The following DIP2A variants were observed in gnomAD, a reference collection of about 807,000 sequenced individuals.
DIP2A encodes DIP2 acetate--CoA ligase A.
Under a neutral mutation model 177.4 loss-of-function variants are expected in DIP2A, and 85 were observed. The ratio of observed to expected loss-of-function variants is 0.48; its 90% CI spans 0.40 to 0.57. DIP2A has a LOEUF of 0.57. Among genes scored for constraint, DIP2A ranks in the 20% least tolerant of loss-of-function variants. DIP2A has a pLI of 0.00. For missense variants in DIP2A, 1,791 were observed against 2,100.2 expected (o/e 0.85, Z 2.88); for synonymous variants, 886 against 881.8 (o/e 1.00, Z -0.08).
At chr21:46,530,953 G>A (rs4819263) in intron 9 of DIP2A, among the ~76,000 whole-genome samples, 8,375 of 152,240 alleles carry the variant, frequency 0.055, 313 homozygotes, top group Non-Finnish European at 0.08. Context: ...TCTGTTCCCA[G>A]AGATTCAACA....
At chr21:46,475,735 A>G (rs1201602540) in intron 1 of DIP2A, among the ~76,000 whole-genome samples, 1 of 152,060 alleles carries the variant, frequency 6.6e-6, no homozygotes, top group Non-Finnish European at 1.5e-5. Context: ...TATTTGAACC[A>G]TTATAGAGAG....
the DIP2A span, among the ~76,000 whole-genome samples, chr21:46,579,379 A>C: frequency 6.6e-6 from 1 of 151,794 alleles, no homozygotes; most frequent in African/African-American, 2.4e-5. Context: ...TATCTATTTT[A>C]TTAATTTTTT....
At chr21:46,540,158 A>G (rs2148810992) in intron 17 of DIP2A, among the ~76,000 whole-genome samples, 167 bp downstream of exon 17, 1 of 152,172 alleles carries the variant, frequency 6.6e-6, no homozygotes, top group Middle Eastern at 3.4e-3. Context: ...TGTGTGGAGA[A>G]TTGGGTAGGA....
chr21:46,482,661 T>C (rs1357039273), intron 1 of DIP2A, among the ~76,000 whole-genome samples: 8 of 152,346 alleles, frequency 5.3e-5, no homozygotes, highest in South Asian at 4.1e-4. Context: ...ATGCATGTTA[T>C]TACCCTTGTG....
chr21:46,512,158 A>C (rs776519202), intron 8 of DIP2A, among the ~76,000 whole-genome samples: 16 of 152,018 alleles, frequency 1.1e-4, no homozygotes, highest in Non-Finnish European at 2.2e-4. Flanking sequence ...GTTTATTCTC[A>C]TTGATGGTAT....
At chr21:46,578,498 A>G in the DIP2A span, among the ~76,000 whole-genome samples, 1 of 152,140 alleles carries the variant, frequency 6.6e-6, no homozygotes. Flanking sequence ...GTTATGTTGA[A>G]TAGGAGTGGT....
chr21:46,556,432 C>T lies in DIP2A; in HGVS notation c.3498+341C>T. On this transcript the variant is annotated intron_variant, in intron 29 of 37. Coordinates refer to ENST00000417564, the MANE Select transcript of DIP2A (RefSeq NM_015151.4). This position sits in a 1 kb window ranked among gnomAD's most constrained non-coding sequence, Gnocchi z 4.5. ...GGCGTGGTGGCTCACGCCTGTAATC[C>T]CAGCACTTCGGGAGGCCGAGGCGGG... The T allele has an allele frequency of 1.5e-6, 2 of 1,304,972 alleles. No homozygotes were observed. Among genetic ancestry groups the T allele is most frequent in the Non-Finnish European group, 2.0e-6 (2 of 986,098 alleles). 80.8% of individuals were successfully genotyped at this position (1,304,972 alleles called of 1,614,324 possible).
chr21:46,579,828 T>C, the DIP2A span, among the ~76,000 whole-genome samples: 1 of 152,194 alleles, frequency 6.6e-6, no homozygotes, highest in African/African-American at 2.4e-5. Flanking sequence ...CTGTTATAAT[T>C]TCAGTTCTTT....
rs115212342 is a variant in DIP2A at position 46,494,301 on chromosome 21, C to T, written c.284-2687C>T. Among the ~76,000 whole-genome samples the T allele has an allele frequency of 2.1e-3, 321 of 152,266 alleles. 1 individual carries two copies. Among genetic ancestry groups the T allele is most frequent in the African/African-American group, 7.3e-3 (305 of 41,552 alleles). On this transcript the variant is annotated intron_variant, in intron 3 of 37. Transcript: ENST00000417564. Reference sequence around the variant, plus strand: ...GCTGAGCTGTGTTTGTCTGATGGTTCCTCTTGGTGTCTCTGACATGCTTTT... The same window carrying T: ...GCTGAGCTGTGTTTGTCTGATGGTTTCTCTTGGTGTCTCTGACATGCTTTT...
rs1445401375 is a variant in DIP2A at position 46,504,344 on chromosome 21, G to A, written c.656-17G>A. On this transcript the variant is annotated splice_polypyrimidine_tract_variant and intron_variant, in intron 5 of 37. Transcript: ENST00000417564. ...CTTAACAGCCACTTTCATTTTGGGTGTGTTTTTCAAAAGCAGATCTGCATT... is the reference window on the plus strand; with the variant it reads ...CTTAACAGCCACTTTCATTTTGGGTATGTTTTTCAAAAGCAGATCTGCATT... 3 of 1,613,270 alleles carry A rather than the reference G, an allele frequency of 1.9e-6. No homozygotes were observed. The highest frequency in any genetic ancestry group is 2.5e-6 in the Non-Finnish European group (3 of 1,179,552).
At position 46,557,165 on chromosome 21, in the gene DIP2A, A is replaced by G; in HGVS notation, c.3629+96A>G. 7.2e-7 allele frequency: 1 copy of G among 1,398,034 alleles called. No individual in the cohort carries two copies. Among genetic ancestry groups the G allele is most frequent in the East Asian group, 2.5e-5 (1 of 39,770 alleles). 86.6% of individuals were successfully genotyped at this position (1,398,034 alleles called of 1,614,324 possible). A position where few individuals can be genotyped will look rare whatever the true frequency, so the allele number is the denominator to read the frequency against. On this transcript the variant is annotated intron_variant, in intron 30 of 37. Coordinates refer to ENST00000417564, the MANE Select transcript of DIP2A (RefSeq NM_015151.4). The surrounding 1 kb of genome is among the most constrained non-coding windows in gnomAD (Gnocchi z 6.0). ...AAGGCACCTTTTCTGGGTGCTCAGG[A>G]AGCCGATGAGATGTGTGTGAGTGGG...
chr21:46,532,032 G>A, intron 9 of DIP2A, 95 bp from the exon 10 acceptor site: 1 of 1,133,172 alleles, frequency 8.8e-7, no homozygotes, highest in Non-Finnish European at 1.3e-6. Flanking sequence ...CAATATTTGG[G>A]GCTTACAAAA....
chr21:46,505,587 C>T (rs1359736350), intron 6 of DIP2A, among the ~76,000 whole-genome samples: 2 of 152,072 alleles, frequency 1.3e-5, no homozygotes, highest in African/African-American at 2.4e-5. Flanking sequence ...CCAGCCTGGG[C>T]GATAGAGTGA....
chr21:46,519,204 C>T lies in DIP2A; in HGVS notation c.1102+7590C>T, dbSNP rs557871020. On this transcript the variant is annotated intron_variant, in intron 8 of 37. Coordinates refer to ENST00000417564, the MANE Select transcript of DIP2A (RefSeq NM_015151.4). ...AGTGAGTTCAACCAGAGGTCACTTA[C>T]ATTGCCATCTTCATTTGCGGGGACT... Among the ~76,000 whole-genome samples the T allele has an allele frequency of 3.0e-4, 45 of 152,336 alleles. 2 individuals are homozygous for T. In the South Asian group the frequency reaches 8.3e-3, roughly 28 times the overall value.
At chr21:46,575,583 A>C in the DIP2A span, among the ~76,000 whole-genome samples, 4 of 152,178 alleles carry the variant, frequency 2.6e-5, no homozygotes, top group African/African-American at 4.8e-5. Context: ...AGGTCAACAC[A>C]CAAAAATAGT....
intron 16 of DIP2A, 55 bp downstream of exon 16, chr21:46,538,657 C>A (rs116411170): frequency 0.01 from 15,755 of 1,534,282 alleles, 122 homozygotes; most frequent in African/African-American, 0.026. Flanking sequence ...CTCCTGCAAA[C>A]CAAAGTAGAA....
At chr21:46,514,714 C>T (rs1024279547) in intron 8 of DIP2A, among the ~76,000 whole-genome samples, 12 of 120,086 alleles carry the variant, frequency 1.0e-4, no homozygotes, top group African/African-American at 2.3e-4. Flanking sequence ...AGTGGGCATT[C>T]TTGCCTGTTT....
Position 46,550,744 on chromosome 21 carries a change from G to A in DIP2A, c.2839G>A (p.Glu947Lys), listed in dbSNP as rs1316778635. 3 of 1,613,764 alleles carry A rather than the reference G, an allele frequency of 1.9e-6. No individual in the cohort carries two copies. The highest frequency in any genetic ancestry group is 2.5e-6 in the Non-Finnish European group (3 of 1,179,862). Residue 947 changes from glutamate to lysine, a missense_variant and splice_region_variant, in exon 23 of 38, where the codon GAG becomes AAG. Physicochemically the swap from Glu to Lys is moderately conservative, Grantham distance 56. Coordinates refer to ENST00000417564, the MANE Select transcript of DIP2A (RefSeq NM_015151.4). Reference protein sequence around the residue: ...NLPKPRQKQPEVGPASMIVGN... With the variant: ...NLPKPRQKQPKVGPASMIVGN... ...CCCCAAACCTCGTCAGAAACAACCA[G>A]GTTAGTTGAACCTAACAACAGGATG...
chr21:46,485,237 T>C (rs2056606861), intron 2 of DIP2A, among the ~76,000 whole-genome samples: 1 of 50,714 alleles, frequency 2.0e-5, no homozygotes, highest in African/African-American at 8.1e-5. Flanking sequence ...CAATAGGTTT[T>C]GTGTGTGTGT....
Sources: gnomAD v4.1 joint callset for allele counts (sites outside exome capture counted in the v4.1 genomes callset) on GRCh38, gnomAD v4.1.1 for gene constraint, Gnocchi (gnomAD v3.1) non-coding constraint, MANE v1.5 for transcripts, NCBI Gene and HGNC (gene_info 2026-07-23, HGNC 2026-07-21) for gene names.